The following DOCK8 variants were observed in gnomAD, a reference collection of about 807,000 sequenced individuals.
DOCK8 encodes dedicator of cytokinesis 8, also known as dedicator of cytokinesis protein 8.
In DOCK8, 141 loss-of-function variants were observed where a neutral mutation model predicts 245.6. The observed-to-expected ratio is 0.57, with a 90% CI of 0.50 to 0.66. The LOEUF is 0.66. Among genes scored for constraint, DOCK8 ranks in the 30% least tolerant of loss-of-function variants. The pLI, the probability that DOCK8 is intolerant of heterozygous loss-of-function variation, is 0.00. For missense variants in DOCK8, 2,965 were observed against 2,603.4 expected (o/e 1.14, Z -3.02); for synonymous variants, 1,168 against 970.2 (o/e 1.20, Z -3.79).
rs770143953 is a variant in DOCK8, at chr9:340,311, A to G, written c.1669A>G (p.Thr557Ala). 7 of 1,614,066 alleles carry G rather than the reference A, an allele frequency of 4.3e-6. No homozygotes were observed. Among genetic ancestry groups the G allele is most frequent in the South Asian group, 2.2e-5 (2 of 91,070 alleles). Residue 557 changes from threonine (T) to alanine (A), a missense_variant, in exon 14 of 48, where the codon ACT (threonine) becomes GCT (alanine). By Grantham distance (58) the Thr-to-Ala change is moderately conservative. This residue lies in a region of DOCK8 where 2,825 missense variants were observed against 2,453.5 expected (regional missense o/e 1.15). Coordinates refer to ENST00000432829, the MANE Select transcript of DOCK8 (RefSeq NM_203447.4). ...FPTREVYVPH[T>A]VYRNLLYVYP... ...AACACGAGAAGTATATGTCCCTCAC[A>G]CTGTGTACAGGTAAGAAACACAGGC...
At position 359,481 on chromosome 9, in the gene DOCK8, A is replaced by T. The variant is rs550112178; in HGVS notation, c.1680-8537A>T. ...AATGTTAGCTATTTTTTATTGTTACATTTAAAATAGATTTTGCTGGTAGTG... is the reference window on the plus strand; with the variant it reads ...AATGTTAGCTATTTTTTATTGTTACTTTTAAAATAGATTTTGCTGGTAGTG... On this transcript the variant is annotated intron_variant, in intron 14 of 47. Coordinates refer to ENST00000432829, the MANE Select transcript of DOCK8 (RefSeq NM_203447.4). Among the ~76,000 whole-genome samples, 4 of 152,258 alleles carry T rather than the reference A, an allele frequency of 2.6e-5. No homozygotes were observed. In the South Asian group the frequency reaches 8.3e-4, roughly 32 times the overall value.
At chr9:274,050 A>T (rs977924093) in intron 2 of DOCK8, among the ~76,000 whole-genome samples, 1 of 152,186 alleles carries the variant, frequency 6.6e-6, no homozygotes, top group African/African-American at 2.4e-5. Context: ...TTCTTTCAGG[A>T]GAAATTATTT....
chr9:286,080 C>G (rs1283560618), intron 2 of DOCK8, among the ~76,000 whole-genome samples: 1 of 152,214 alleles, frequency 6.6e-6, no homozygotes, highest in Non-Finnish European at 1.5e-5. Flanking sequence ...TCTCCGTTCC[C>G]TAGTTCACTG....
Position 432,081 on chromosome 9 carries a change from T to C in DOCK8, c.4627-85T>C, listed in dbSNP as rs1329377. ...GGCAAAGGAAACACTGAGGAGTTGT[T>C]TGTGTCTGGCCATGCTGCTTTCAGT... is the stretch of plus-strand genomic sequence containing the variant. On this transcript the variant is annotated intron_variant, in intron 36 of 47. Coordinates refer to ENST00000432829, the MANE Select transcript of DOCK8 (RefSeq NM_203447.4). 0.76 allele frequency: 1,076,049 copies of C among 1,422,016 alleles called. 411,716 individuals carry two copies. The highest frequency in any genetic ancestry group is 0.98 in the East Asian group (42,274 of 43,120). 88.1% of individuals were successfully genotyped at this position (1,422,016 alleles called of 1,614,324 possible).
intron 1 of DOCK8, among the ~76,000 whole-genome samples, chr9:230,861 C>T (rs1196437219): frequency 2.6e-5 from 4 of 152,126 alleles, no homozygotes; most frequent in Admixed American, 6.5e-5. Flanking sequence ...TGCCTGTTCA[C>T]TCTGATGGTA....
intron 25 of DOCK8, among the ~76,000 whole-genome samples, chr9:397,869 G>A (rs564514514): frequency 5.3e-5 from 8 of 152,256 alleles, no homozygotes; most frequent in South Asian, 4.2e-4. Flanking sequence ...GATAAGCTTC[G>A]TTAAAGGGTA....
At chr9:369,792 T>C (rs1268784727) in intron 15 of DOCK8, 2 of 243,264 alleles carry the variant, frequency 8.2e-6, no homozygotes, top group Non-Finnish European at 1.6e-5. Flanking sequence ...TTGGGCCAGT[T>C]GTAGTCCCAG....
At chr9:219,465 G>T (rs1385477436) in intron 1 of DOCK8, among the ~76,000 whole-genome samples, 1 of 151,918 alleles carries the variant, frequency 6.6e-6, no homozygotes, top group Non-Finnish European at 1.5e-5. Context: ...GTGACACTCT[G>T]TTTCAAAATA....
rs191332556 is a variant in DOCK8 at position 424,474 on chromosome 9, A to G, written c.4241+2339A>G. ...ACCCAGGCTGGAATACAGTGGCACA[A>G]TCACAGCTCACTGCAGCCTTACCCT... On this transcript the variant is annotated intron_variant, in intron 33 of 47. Coordinates refer to ENST00000432829, the MANE Select transcript of DOCK8 (RefSeq NM_203447.4). 7.4e-4 allele frequency among the ~76,000 whole-genome samples: 112 copies of G among 152,142 alleles called. 1 individual carries two copies. In the East Asian group the frequency reaches 0.019, roughly 25 times the overall value.
At chr9:318,906 T>C (rs1170823017) in intron 7 of DOCK8, among the ~76,000 whole-genome samples, 1 of 152,330 alleles carries the variant, frequency 6.6e-6, no homozygotes, top group African/African-American at 2.4e-5. Flanking sequence ...ATGGTGCTCA[T>C]AGCCAAGCTT....
chr9:367,947 C>G, intron 14 of DOCK8, 71 bp from the exon 15 acceptor site: 2 of 1,289,104 alleles, frequency 1.6e-6, no homozygotes, highest in South Asian at 1.2e-5. Context: ...GAAGTCTCAG[C>G]ATTTGCTGAA....
At chr9:372,162 A>G (rs756506609) in intron 17 of DOCK8, 23 bp from the exon 18 acceptor site, 4 of 1,593,306 alleles carry the variant, frequency 2.5e-6, no homozygotes, top group Non-Finnish European at 2.6e-6. Context: ...ATACCACTTT[A>G]TTATTTACAT....
At chr9:272,871 C>G in intron 2 of DOCK8, 1 of 177,666 alleles carries the variant, frequency 5.6e-6, no homozygotes, top group Non-Finnish European at 1.1e-5. Context: ...TATTCACTTC[C>G]TCTGTGAGAG....
At chr9:376,138 G>T in intron 18 of DOCK8, 72 bp from the exon 19 acceptor site, 1 of 1,001,294 alleles carries the variant, frequency 1.0e-6, no homozygotes, top group Admixed American at 1.7e-5. Flanking sequence ...CAGTCAAGTT[G>T]GTCTGCATTG....
At chr9:221,466 A>G (rs899703312) in intron 1 of DOCK8, among the ~76,000 whole-genome samples, 9 of 152,162 alleles carry the variant, frequency 5.9e-5, no homozygotes, top group Non-Finnish European at 1.3e-4. Flanking sequence ...ATAACTATTT[A>G]CATAGCATTT....
At chr9:383,445 T>C (rs923212142) in intron 22 of DOCK8, among the ~76,000 whole-genome samples, 1 of 152,152 alleles carries the variant, frequency 6.6e-6, no homozygotes, top group East Asian at 1.9e-4. Flanking sequence ...GGCAGGAGAA[T>C]CGCTTCAACC....
intron 9 of DOCK8, among the ~76,000 whole-genome samples, chr9:329,891 A>G (rs538455565): frequency 2.0e-5 from 3 of 152,374 alleles, no homozygotes; most frequent in African/African-American, 7.2e-5. Context: ...GTGTTTGGAT[A>G]GGTTTAAGAA....
At chr9:368,171 G>T (rs1038243619) in intron 15 of DOCK8, 36 bp downstream of exon 15, 2 of 1,565,430 alleles carry the variant, frequency 1.3e-6, no homozygotes, top group African/African-American at 2.7e-5. Flanking sequence ...TCAAATCAGG[G>T]TGGGCTGCTC....
rs2052011489 is a variant in DOCK8, at chr9:348,525, G to A, written c.1679+8204G>A. Among the ~76,000 whole-genome samples the A allele has an allele frequency of 2.0e-5, 3 of 152,174 alleles. No homozygotes were observed. The South Asian group carries it at 6.2e-4, about 32-fold the overall frequency. ...CTGTCCTTTACATAGAATTCAGCAG[G>A]AAGCTTCATGAGGCACCCTGTTTCT... On this transcript the variant is annotated intron_variant, in intron 14 of 47. Coordinates refer to ENST00000432829, the MANE Select transcript of DOCK8 (RefSeq NM_203447.4).
Sources: gnomAD v4.1 joint callset for allele counts (sites outside exome capture counted in the v4.1 genomes callset) on GRCh38, gnomAD v4.1.1 for gene constraint, gnomAD v4.1.1 regional missense constraint, MANE v1.5 for transcripts, NCBI Gene and HGNC (gene_info 2026-07-23, HGNC 2026-07-21) for gene names.